Variants in FAM3D observed in about 807,000 individuals in gnomAD.
FAM3D encodes protein FAM3D.
In FAM3D, 26 loss-of-function variants were observed where a neutral mutation model predicts 29.8. The observed-to-expected ratio is 0.87, with a 90% CI of 0.64 to 1.21. The LOEUF (loss-of-function observed/expected upper bound fraction) is 1.21. Among genes scored for constraint, FAM3D ranks in the 50% most tolerant of loss-of-function variants. The pLI, the probability that FAM3D is intolerant of heterozygous loss-of-function variation, is 0.00. For synonymous variants in FAM3D, 115 were observed against 102.3 expected, an observed-to-expected ratio of 1.12 and a Z score of -0.75; for missense variants, 253 against 290.9, an observed-to-expected ratio of 0.87 and a Z score of 0.95.
chr3:58,644,555 C>T (rs1399869192), intron 5 of FAM3D, among the ~76,000 whole-genome samples: 3 of 152,170 alleles, frequency 2.0e-5, no homozygotes, highest in African/African-American at 4.8e-5. Flanking sequence ...TACCTAGTCT[C>T]GGGTATGTCT....
At chr3:58,656,414 T>C (rs2066801860) in intron 1 of FAM3D, among the ~76,000 whole-genome samples, 1 of 152,208 alleles carries the variant, frequency 6.6e-6, no homozygotes, top group Non-Finnish European at 1.5e-5. Flanking sequence ...TACTGCGGTC[T>C]CACTGCCAAG....
chr3:58,635,124 G>A lies in FAM3D; in HGVS notation c.586-756C>T, dbSNP rs965836410. On this transcript the variant is annotated intron_variant, in intron 9 of 9. Transcript: ENST00000358781. The surrounding 1 kb of genome is among the most constrained non-coding windows in gnomAD (Gnocchi z 5.2). ...CAGGAGGTCGAGGCTGCAGTGAGCC[G>A]AGATTGTGCCACTGCACTCCAGCCT... Among the ~76,000 whole-genome samples, 10 of 152,118 alleles carry A rather than the reference G, an allele frequency of 6.6e-5. No homozygotes were observed. The highest frequency in any genetic ancestry group is 1.4e-4 in the African/African-American group (6 of 41,414).
intron 3 of FAM3D, among the ~76,000 whole-genome samples, chr3:58,652,973 C>T (rs937653280): frequency 2.3e-5 from 2 of 87,538 alleles, no homozygotes; most frequent in African/African-American, 5.9e-5. Flanking sequence ...TCCATCCATC[C>T]ATCCGTTTTT....
intron 1 of FAM3D, among the ~76,000 whole-genome samples, chr3:58,660,852 GAAGT>G (rs2066916385): frequency 6.6e-6 from 1 of 152,162 alleles, no homozygotes; most frequent in Admixed American, 6.5e-5. Flanking sequence ...GCTCAATGAA[GAAGT>G]AAGGGAAACT....
intron 3 of FAM3D, among the ~76,000 whole-genome samples, chr3:58,649,791 C>G (rs2106847775): frequency 6.6e-6 from 1 of 152,294 alleles, no homozygotes; most frequent in Non-Finnish European, 1.5e-5. Context: ...AGTTTGTGCC[C>G]TAGTTCCTAG....
chr3:58,662,908 TG>T (rs1223668390), intron 1 of FAM3D, among the ~76,000 whole-genome samples: 1 of 152,214 alleles, frequency 6.6e-6, no homozygotes, highest in African/African-American at 2.4e-5. Flanking sequence ...TAGCACTTTT[TG>T]TTTGTTTTTG....
Position 58,634,883 on chromosome 3 carries a change from T to C in FAM3D, c.586-515A>G, listed in dbSNP as rs1369146493. Among the ~76,000 whole-genome samples the C allele has an allele frequency of 6.6e-6, 1 of 151,988 alleles. No individual in the cohort carries two copies. The highest frequency in any genetic ancestry group is 1.9e-4 in the East Asian group (1 of 5,180). On this transcript the variant is annotated intron_variant, in intron 9 of 9. Coordinates refer to ENST00000358781, the MANE Select transcript of FAM3D (RefSeq NM_138805.3). The surrounding 1 kb of genome is among the most constrained non-coding windows in gnomAD (Gnocchi z 4.6). ...ACCACCACATAATATTAATTAATACTAATAATAAGGGGTGGGGTGCAGTGG... is the reference window on the plus strand; with the variant it reads ...ACCACCACATAATATTAATTAATACCAATAATAAGGGGTGGGGTGCAGTGG...
At chr3:58,649,270 G>A in intron 4 of FAM3D, 45 bp downstream of exon 4, 1 of 1,605,592 alleles carries the variant, frequency 6.2e-7, no homozygotes. Context: ...AGCAGGGGGT[G>A]AGTGGATGAG....
intron 3 of FAM3D, among the ~76,000 whole-genome samples, chr3:58,652,787 A>G (rs1284899006): frequency 6.6e-6 from 1 of 151,544 alleles, no homozygotes; most frequent in Non-Finnish European, 1.5e-5. Flanking sequence ...CCATCTACCC[A>G]TCCAACCATC....
intron 7 of FAM3D, among the ~76,000 whole-genome samples, chr3:58,638,355 G>A (rs938856154): frequency 6.6e-6 from 1 of 152,228 alleles, no homozygotes; most frequent in African/African-American, 2.4e-5. Flanking sequence ...TAGATATGGT[G>A]CAACTCGAGT....
chr3:58,660,125 AAAAG>A (rs1176446582), intron 1 of FAM3D, among the ~76,000 whole-genome samples: 1 of 152,254 alleles, frequency 6.6e-6, no homozygotes, highest in Non-Finnish European at 1.5e-5. Flanking sequence ...GACAGACTTC[AAAAG>A]AAAGAGACAA....
intron 7 of FAM3D, among the ~76,000 whole-genome samples, 190 bp downstream of exon 7, chr3:58,639,937 A>G (rs1331988419): frequency 1.3e-5 from 2 of 152,232 alleles, no homozygotes; most frequent in Non-Finnish European, 2.9e-5. Context: ...GGAGATCCCA[A>G]CTGAGATGGC....
chr3:58,634,239 G>C lies in FAM3D; in HGVS notation c.*40C>G. On this transcript the variant is annotated 3_prime_UTR_variant, in exon 10 of 10. Transcript: ENST00000358781. The surrounding 1 kb of genome is among the most constrained non-coding windows in gnomAD (Gnocchi z 4.6). ...GCTCTGACTCCTAAGTCAGGCAGGA[G>C]CTTCTTCAGGCCCCTGGCTGAGGAA... 1 of 1,588,668 alleles carries C rather than the reference G, an allele frequency of 6.3e-7. No individual in the cohort carries two copies. The highest frequency in any genetic ancestry group is 8.6e-7 in the Non-Finnish European group (1 of 1,161,612).
chr3:58,641,118 T>A (rs1028942579), intron 6 of FAM3D, among the ~76,000 whole-genome samples: 2 of 152,200 alleles, frequency 1.3e-5, no homozygotes, highest in South Asian at 2.1e-4. Context: ...GACTACTGGA[T>A]CCTTAGCAAT....
At chr3:58,649,127 G>T (rs1249645968) in intron 4 of FAM3D, among the ~76,000 whole-genome samples, 188 bp downstream of exon 4, 1 of 152,194 alleles carries the variant, frequency 6.6e-6, no homozygotes, top group Middle Eastern at 3.2e-3. Context: ...CTGCCACAGG[G>T]CTTAGAGGCT....
At chr3:58,650,643 C>T (rs886882466) in intron 3 of FAM3D, among the ~76,000 whole-genome samples, 1 of 152,090 alleles carries the variant, frequency 6.6e-6, no homozygotes, top group Non-Finnish European at 1.5e-5. Flanking sequence ...CACAAGATGC[C>T]CATAGTGGAC....
chr3:58,653,199 G>C (rs1384881613), intron 3 of FAM3D, among the ~76,000 whole-genome samples: 1 of 152,172 alleles, frequency 6.6e-6, no homozygotes, highest in Non-Finnish European at 1.5e-5. Flanking sequence ...TAGGAGGAAG[G>C]GGTGCAATCT....
chr3:58,648,814 T>C (rs1012284244), intron 4 of FAM3D, among the ~76,000 whole-genome samples: 1 of 152,152 alleles, frequency 6.6e-6, no homozygotes, highest in Non-Finnish European at 1.5e-5. Flanking sequence ...TCTCCACTTC[T>C]CTTAGGCAGG....
chr3:58,646,414 C>T lies in FAM3D; in HGVS notation c.146-788G>A, dbSNP rs558288470. Among the ~76,000 whole-genome samples the T allele has an allele frequency of 1.3e-4, 20 of 152,298 alleles. 1 individual carries two copies. The South Asian group carries it at 3.9e-3, about 30-fold the overall frequency. On this transcript the variant is annotated intron_variant, in intron 4 of 9. Transcript: ENST00000358781. ...CCTTCACAGGGTAAATTGGGGAGGT[C>T]CATGCCTGGGGGGAGATGCTGGTGG...
Sources: allele counts gnomAD v4.1 joint callset (sites outside exome capture counted in the v4.1 genomes callset), GRCh38; gene constraint gnomAD v4.1.1; non-coding constraint Gnocchi (gnomAD v3.1); transcripts MANE v1.5; gene names NCBI Gene and HGNC (gene_info 2026-07-23, HGNC 2026-07-21).